Variants in ENOX2 observed in about 807,000 individuals in gnomAD.
ENOX2 encodes ecto-NOX disulfide-thiol exchanger 2, also known as APK1 antigen.
In ENOX2, 36 loss-of-function variants were observed where a neutral mutation model predicts 45.0. That is an observed-to-expected ratio of 0.80 (90% confidence interval 0.61 to 1.06). The LOEUF (loss-of-function observed/expected upper bound fraction) is 1.06. Among genes scored for constraint, ENOX2 ranks in the 50% least tolerant of loss-of-function variants. The pLI is 0.00. For missense variants in ENOX2, 423 were observed against 462.5 expected (o/e 0.91, Z 0.78); for synonymous variants, 174 against 152.3 (o/e 1.14, Z -1.05).
At chrX:130,829,372 T>A (rs2077778365) in intron 2 of ENOX2, among the ~76,000 whole-genome samples, 1 of 111,668 alleles carries the variant, frequency 9.0e-6, no homozygotes. Flanking sequence ...AGAAGGGGAA[T>A]TTGAATATCA....
chrX:130,659,633 T>G (rs1033671017), intron 9 of ENOX2, among the ~76,000 whole-genome samples: 2 of 112,625 alleles, frequency 1.8e-5, no homozygotes, highest in African/African-American at 6.4e-5. Flanking sequence ...ATTGGCAAAT[T>G]CGAATATTGT....
intron 3 of ENOX2, among the ~76,000 whole-genome samples, chrX:130,714,480 T>C (rs2038276398): frequency 9.0e-6 from 1 of 111,441 alleles, no homozygotes; most frequent in African/African-American, 3.3e-5. Context: ...TAGGTAACTC[T>C]TACACCCACT....
chrX:130,892,752 C>A (rs1288499203), intron 2 of ENOX2, among the ~76,000 whole-genome samples: 3 of 112,672 alleles, frequency 2.7e-5, no homozygotes, highest in Non-Finnish European at 5.6e-5. Context: ...ACAGTAAATG[C>A]AGGTATAATG....
chrX:130,809,744 C>T (rs760305602), intron 2 of ENOX2, among the ~76,000 whole-genome samples: 1 of 108,036 alleles, frequency 9.3e-6, no homozygotes, highest in Non-Finnish European at 1.9e-5. Flanking sequence ...AAATGTGTGT[C>T]GTGTGTGTGT....
chrX:130,798,868 C>A (rs944129400), intron 2 of ENOX2, among the ~76,000 whole-genome samples: 1 of 112,038 alleles, frequency 8.9e-6, no homozygotes, highest in Admixed American at 9.5e-5. Context: ...AACTATAACA[C>A]CATTGGATAA....
intron 2 of ENOX2, among the ~76,000 whole-genome samples, chrX:130,827,873 T>A (rs369076263): frequency 1.1e-4 from 12 of 111,961 alleles, no homozygotes; most frequent in African/African-American, 3.9e-4. Flanking sequence ...AATACTGGTA[T>A]ACATAAATAA....
intron 5 of ENOX2, 44 bp from the exon 6 acceptor site, chrX:130,679,792 TG>T: frequency 9.8e-7 from 1 of 1,025,608 alleles, no homozygotes; most frequent in Non-Finnish European, 1.4e-6. Context: ...AATGTTTGCT[TG>T]GGACAGACCT....
In ENOX2 at chrX:130,667,842, G is replaced by A. The variant is rs767292132; in HGVS notation, c.695-100C>T. On this transcript the variant is annotated intron_variant, in intron 7 of 14. Transcript: ENST00000394363. Reference sequence around the variant, plus strand: ...GGGCATCATGATTTTTGGCAGTGATGGGTAAATGAATTGCTGAGGATGAGG... The same window carrying A: ...GGGCATCATGATTTTTGGCAGTGATAGGTAAATGAATTGCTGAGGATGAGG... The A allele has an allele frequency of 2.1e-4, 125 of 591,368 alleles. No individual in the cohort carries two copies. The African/African-American group carries it at 2.7e-3, about 13-fold the overall frequency. The allele number at this position is 591,368 out of a possible 1,213,427, so 48.7% of individuals were successfully genotyped here.
At chrX:130,812,841 T>G (rs2077413557) in intron 2 of ENOX2, among the ~76,000 whole-genome samples, 1 of 111,228 alleles carries the variant, frequency 9.0e-6, no homozygotes, top group African/African-American at 3.3e-5. Context: ...AGACCCCAAA[T>G]AAAGCATCCT....
chrX:130,778,109 A>T (rs2039899518), intron 3 of ENOX2, among the ~76,000 whole-genome samples: 1 of 112,010 alleles, frequency 8.9e-6, no homozygotes, highest in African/African-American at 3.2e-5. Context: ...CACATGAAAT[A>T]AAAAGTCTCA....
intron 2 of ENOX2, among the ~76,000 whole-genome samples, chrX:130,787,377 T>C (rs1603350403): frequency 8.9e-6 from 1 of 111,894 alleles, no homozygotes; most frequent in African/African-American, 3.3e-5. Context: ...ATGTAGAACA[T>C]TCAGCATAAC....
rs373242212 is a variant in ENOX2 at position 130,850,273 on chromosome X, G to T, written c.-183+51411C>A. Among the ~76,000 whole-genome samples the T allele has an allele frequency of 7.2e-5, 8 of 111,185 alleles. 1 individual carries two copies. In the East Asian group the frequency reaches 2.0e-3, roughly 27 times the overall value. ...AGCAGGACACCATCAAGGGCCCATT[G>T]GAATAGAAAGTCCACTTCTGTATCT... On this transcript the variant is annotated intron_variant, in intron 2 of 14. Coordinates refer to ENST00000394363, the MANE Select transcript of ENOX2 (RefSeq NM_006375.4).
chrX:130,726,808 TTGTGTAAC>T (rs1226863989), intron 3 of ENOX2, among the ~76,000 whole-genome samples: 5 of 112,167 alleles, frequency 4.5e-5, no homozygotes, highest in Non-Finnish European at 3.8e-5. Context: ...AAAGAAGCAA[TTGTGTAAC>T]TACTAAGGAA....
At chrX:130,641,690 C>A (rs1177116855) in intron 10 of ENOX2, among the ~76,000 whole-genome samples, 3 of 95,062 alleles carry the variant, frequency 3.2e-5, no homozygotes, top group Non-Finnish European at 4.1e-5. Context: ...GCACTCCATC[C>A]TGGGCAACAA....
At chrX:130,811,997 T>C (rs200428560) in intron 2 of ENOX2, among the ~76,000 whole-genome samples, 2 of 111,580 alleles carry the variant, frequency 1.8e-5, no homozygotes, top group East Asian at 5.6e-4. Context: ...TGAAGGCAGG[T>C]TATTTGAAAA....
chrX:130,734,476 G>A (rs1237891527), intron 3 of ENOX2, among the ~76,000 whole-genome samples: 1 of 111,641 alleles, frequency 9.0e-6, no homozygotes, highest in Non-Finnish European at 1.9e-5. Context: ...AAAAGAGAGG[G>A]CTGCGAGTTG....
chrX:130,687,189 T>C (rs772161550), intron 5 of ENOX2, among the ~76,000 whole-genome samples: 195 of 112,547 alleles, frequency 1.7e-3, no homozygotes, highest in Non-Finnish European at 2.5e-3. Flanking sequence ...ACAAGGCATC[T>C]GTACTTTAGA....
chrX:130,668,732 T>A (rs2036903848), intron 7 of ENOX2, among the ~76,000 whole-genome samples: 1 of 112,356 alleles, frequency 8.9e-6, no homozygotes, highest in African/African-American at 3.2e-5. Flanking sequence ...TGCCCCTTTT[T>A]CAGTGCAGAC....
intron 3 of ENOX2, among the ~76,000 whole-genome samples, chrX:130,750,246 CCT>C (rs927457354): frequency 2.7e-5 from 3 of 111,520 alleles, no homozygotes; most frequent in Admixed American, 9.5e-5. Context: ...AGTATCTCTG[CCT>C]CTCTGTGCCT....
Sources: gnomAD v4.1 joint callset for allele counts (sites outside exome capture counted in the v4.1 genomes callset) on GRCh38, gnomAD v4.1.1 for gene constraint, MANE v1.5 for transcripts, NCBI Gene and HGNC (gene_info 2026-07-23, HGNC 2026-07-21) for gene names.